ASB15: variants seen among roughly 807,000 people sequenced by gnomAD.
ASB15 encodes ankyrin repeat and SOCS box protein 15.
A neutral mutation model predicts 58.0 loss-of-function variants in ASB15; 54 were observed. The observed-to-expected ratio is 0.93, with a 90% CI of 0.75 to 1.17. The LOEUF is 1.17. ASB15 is among the 50% of genes most tolerant of loss of function. The probability of loss-of-function intolerance (pLI) is 0.00; values close to 1 mark genes in which losing one functional copy is unlikely to be tolerated. For synonymous variants in ASB15, 249 were observed against 262.4 expected (o/e 0.95, Z 0.50); for missense variants, 680 against 707.4 (o/e 0.96, Z 0.44).
At chr7:123,620,547 TATATATA>T (rs1452477423) in intron 7 of ASB15, among the ~76,000 whole-genome samples, 18 of 25,038 alleles carry the variant, frequency 7.2e-4, no homozygotes, top group African/African-American at 1.1e-3. Context: ...TATATATATA[TATATATA>T]TTTTTTTTTT....
intron 1 of ASB15, among the ~76,000 whole-genome samples, chr7:123,571,915 A>G (rs1203423369): frequency 6.6e-6 from 1 of 151,838 alleles, no homozygotes; most frequent in African/African-American, 2.4e-5. Flanking sequence ...CACCACAGGC[A>G]TGCACCATCA....
intron 3 of ASB15, among the ~76,000 whole-genome samples, chr7:123,612,834 C>A (rs1800545848): frequency 6.6e-6 from 1 of 152,174 alleles, no homozygotes; most frequent in South Asian, 2.1e-4. Flanking sequence ...GGAGATGACG[C>A]TTCTCTTGGC....
At chr7:123,600,625 C>T (rs1364959442), upstream of ASB15, among the ~76,000 whole-genome samples, 1 of 152,120 alleles carries the variant, frequency 6.6e-6, no homozygotes, top group African/African-American at 2.4e-5. Context: ...ATGCAATGAT[C>T]TAACTTTTAC....
intron 1 of ASB15, among the ~76,000 whole-genome samples, chr7:123,581,071 C>T (rs994874676): frequency 6.6e-6 from 1 of 151,930 alleles, no homozygotes; most frequent in Non-Finnish European, 1.5e-5. Flanking sequence ...CTGTCTTCCA[C>T]TTAAAAATGG....
rs76027850 is a variant in ASB15, at chr7:123,604,057, G to A, written c.-219G>A. The A allele has an allele frequency of 0.017, 2,548 of 152,286 alleles. 74 individuals are homozygous for A. The highest frequency in any genetic ancestry group is 0.058 in the African/African-American group (2,408 of 41,534). 9.4% of individuals were successfully genotyped at this position (152,286 alleles called of 1,614,324 possible). A position where few individuals can be genotyped will look rare whatever the true frequency, so the allele number is the denominator to read the frequency against. On this transcript the variant is annotated 5_prime_UTR_variant, in exon 2 of 12. In the 5' UTR this introduces an upstream ATG that the reference lacks. Transcript: ENST00000451215. Reference sequence around the variant, plus strand: ...GAAAGCAGTCAAGACAGTGCAGGAGGTGAGGCCATCTTATAGGAAGAGCAG... The same window carrying A: ...GAAAGCAGTCAAGACAGTGCAGGAGATGAGGCCATCTTATAGGAAGAGCAG...
At chr7:123,583,388 T>G (rs982051414) in intron 1 of ASB15, among the ~76,000 whole-genome samples, 1 of 151,866 alleles carries the variant, frequency 6.6e-6, no homozygotes, top group African/African-American at 2.4e-5. Flanking sequence ...AACCATGAAG[T>G]GTAGCAAATT....
chr7:123,609,417 G>A (rs1800320760), intron 3 of ASB15, among the ~76,000 whole-genome samples: 1 of 152,138 alleles, frequency 6.6e-6, no homozygotes, highest in South Asian at 2.1e-4. Context: ...AGCCCTAAAG[G>A]ACAGAATCTC....
intron 11 of ASB15, among the ~76,000 whole-genome samples, chr7:123,632,632 T>A (rs1235658269): frequency 6.6e-6 from 1 of 152,108 alleles, no homozygotes; most frequent in Non-Finnish European, 1.5e-5. Flanking sequence ...ATTGTATCAT[T>A]CTTATGCCTT....
chr7:123,568,286 G>A (rs1028492340), intron 1 of ASB15, among the ~76,000 whole-genome samples: 2 of 152,170 alleles, frequency 1.3e-5, no homozygotes, highest in Non-Finnish European at 2.9e-5. Context: ...GCTGAGGCGG[G>A]CAGATCGCCT....
rs527364801 is a variant in ASB15, at chr7:123,637,005, A to T, written c.*24A>T. 7.4e-5 allele frequency: 104 copies of T among 1,412,234 alleles called. No individual in the cohort carries two copies. The highest frequency in any genetic ancestry group is 6.8e-4 in the East Asian group (29 of 42,936). 87.5% of individuals were successfully genotyped at this position (1,412,234 alleles called of 1,614,324 possible). A position where few individuals can be genotyped will look rare whatever the true frequency, so the allele number is the denominator to read the frequency against. On this transcript the variant is annotated 3_prime_UTR_variant, in exon 12 of 12. Transcript: ENST00000451215. ...AACTTAATATTTTAAAATGTGATTTAAAAAAAATGTTGAAATGTGATTCCC... is the reference window on the plus strand; with the variant it reads ...AACTTAATATTTTAAAATGTGATTTTAAAAAAATGTTGAAATGTGATTCCC...
intron 10 of ASB15, 105 bp downstream of exon 10, chr7:123,629,539 C>A (rs1802011991): frequency 8.8e-7 from 1 of 1,133,382 alleles, no homozygotes; most frequent in Admixed American, 2.7e-5. Context: ...TCTAATTTTT[C>A]TATTTTTCTT....
At chr7:123,624,409 T>C in intron 7 of ASB15, 160 bp from the exon 8 acceptor site, 1 of 657,276 alleles carries the variant, frequency 1.5e-6, no homozygotes, top group Non-Finnish European at 2.5e-6. Flanking sequence ...TAAACTTGGG[T>C]ATGAGAAACA....
chr7:123,599,607 A>T (rs1799808519), upstream of ASB15, among the ~76,000 whole-genome samples: 1 of 152,160 alleles, frequency 6.6e-6, no homozygotes, highest in Non-Finnish European at 1.5e-5. Context: ...GAAATTCACA[A>T]ACAATGCTAC....
intron 11 of ASB15, among the ~76,000 whole-genome samples, chr7:123,632,974 G>A (rs906212415): frequency 1.3e-5 from 2 of 152,122 alleles, no homozygotes; most frequent in African/African-American, 4.8e-5. Flanking sequence ...ACTCTCCTTG[G>A]AAGGAAAATG....
At chr7:123,601,302 CT>C (rs1490305946), upstream of ASB15, among the ~76,000 whole-genome samples, 1 of 152,134 alleles carries the variant, frequency 6.6e-6, no homozygotes, top group Non-Finnish European at 1.5e-5. Context: ...TGCTCAATAA[CT>C]TGACCTAAAA....
intron 1 of ASB15, among the ~76,000 whole-genome samples, chr7:123,574,181 T>C (rs1798995343): frequency 6.6e-6 from 1 of 152,028 alleles, no homozygotes; most frequent in South Asian, 2.1e-4. Context: ...ATAAAATTGA[T>C]CACCAGGTTC....
At chr7:123,588,494 A>G (rs1799437232) in intron 1 of ASB15, among the ~76,000 whole-genome samples, 1 of 150,708 alleles carries the variant, frequency 6.6e-6, no homozygotes, top group Admixed American at 6.6e-5. Context: ...TCTTATCTCT[A>G]TTTCATTTAT....
intron 1 of ASB15, among the ~76,000 whole-genome samples, chr7:123,602,634 C>T (rs1799943104): frequency 6.6e-6 from 1 of 152,134 alleles, no homozygotes; most frequent in African/African-American, 2.4e-5. Context: ...TATAATTTTA[C>T]ACTTCAGTTA....
At chr7:123,627,303 A>T in intron 9 of ASB15, 22 bp downstream of exon 9, 1 of 1,582,864 alleles carries the variant, frequency 6.3e-7, no homozygotes, top group Admixed American at 1.7e-5. Context: ...ATTATAGGGT[A>T]ATTATTTGAG....
Sources: gnomAD v4.1 joint callset for allele counts (sites outside exome capture counted in the v4.1 genomes callset) on GRCh38, gnomAD v4.1.1 for gene constraint, MANE v1.5 for transcripts, NCBI Gene and HGNC (gene_info 2026-07-23, HGNC 2026-07-21) for gene names.